The following KCNT2 variants were observed in gnomAD, a reference collection of about 807,000 sequenced individuals.
KCNT2 encodes the protein potassium sodium-activated channel subfamily T member 2.
In KCNT2, 67 loss-of-function variants were observed where a neutral mutation model predicts 153.8. The observed-to-expected ratio is 0.44, with a 90% CI of 0.36 to 0.53. The LOEUF (loss-of-function observed/expected upper bound fraction) is 0.53. Among genes scored for constraint, KCNT2 ranks in the 20% least tolerant of loss-of-function variants. KCNT2 has a pLI of 0.00. For missense variants in KCNT2, 975 were observed against 1,354.8 expected, an observed-to-expected ratio of 0.72 and a Z score of 4.40; for synonymous variants, 500 against 458.8, an observed-to-expected ratio of 1.09 and a Z score of -1.15.
At chr1:196,527,477 T>C (rs1654388004) in intron 1 of KCNT2, among the ~76,000 whole-genome samples, 1 of 152,060 alleles carries the variant, frequency 6.6e-6, no homozygotes, top group African/African-American at 2.4e-5. Flanking sequence ...CAAAACAGGG[T>C]AACGTAAAAT....
intron 13 of KCNT2, among the ~76,000 whole-genome samples, chr1:196,389,097 A>T (rs1322200674): frequency 6.6e-6 from 1 of 151,780 alleles, no homozygotes; most frequent in East Asian, 1.9e-4. Flanking sequence ...TGATATGATC[A>T]TATACTTATT....
Position 196,384,873 on chromosome 1 carries a change from G to A in KCNT2, c.1295-11625C>T, listed in dbSNP as rs150812262. ...CCACTGGTTATCTTTTAGAAGTCTC[G>A]CATAACAACCTAATCTTCATTCCCT... is the stretch of plus-strand genomic sequence containing the variant. On this transcript the variant is annotated intron_variant, in intron 13 of 27. Coordinates refer to ENST00000294725, the MANE Select transcript of KCNT2 (RefSeq NM_198503.5). 8.6e-3 allele frequency among the ~76,000 whole-genome samples: 1,312 copies of A among 151,868 alleles called. 17 individuals carry two copies. The highest frequency in any genetic ancestry group is 0.03 in the African/African-American group (1,253 of 41,400).
At chr1:196,540,145 TTAG>T (rs1422619648) in intron 1 of KCNT2, among the ~76,000 whole-genome samples, 1 of 152,154 alleles carries the variant, frequency 6.6e-6, no homozygotes, top group African/African-American at 2.4e-5. Context: ...AGGATCACTC[TTAG>T]TAGTTTTTAA....
At chr1:196,352,697 C>G (rs1237987720) in intron 14 of KCNT2, among the ~76,000 whole-genome samples, 4 of 152,094 alleles carry the variant, frequency 2.6e-5, no homozygotes, top group Non-Finnish European at 5.9e-5. Context: ...TTTTGTGCCT[C>G]TATTTCTGTC....
intron 5 of KCNT2, among the ~76,000 whole-genome samples, chr1:196,477,818 C>T (rs748670478): frequency 9.2e-5 from 14 of 152,182 alleles, no homozygotes; most frequent in Non-Finnish European, 1.3e-4. Flanking sequence ...CAACATAAGC[C>T]TTAGTTTCCA....
chr1:196,582,670 C>T (rs907384774), intron 1 of KCNT2, among the ~76,000 whole-genome samples: 1 of 152,024 alleles, frequency 6.6e-6, no homozygotes, highest in African/African-American at 2.4e-5. Flanking sequence ...GCATTGACAG[C>T]ATTGACTAGG....
At chr1:196,526,661 C>T (rs1310480890) in intron 1 of KCNT2, among the ~76,000 whole-genome samples, 1 of 152,044 alleles carries the variant, frequency 6.6e-6, no homozygotes, top group African/African-American at 2.4e-5. Flanking sequence ...CCATGTTGGC[C>T]AGGATGGTCT....
intron 5 of KCNT2, among the ~76,000 whole-genome samples, 167 bp downstream of exon 5, chr1:196,479,012 C>T (rs1224006259): frequency 6.6e-6 from 1 of 152,122 alleles, no homozygotes; most frequent in Non-Finnish European, 1.5e-5. Flanking sequence ...TCAAGGAAAA[C>T]ATTACCGTAT....
chr1:196,472,859 A>C (rs923352029), intron 5 of KCNT2, among the ~76,000 whole-genome samples: 1 of 152,084 alleles, frequency 6.6e-6, no homozygotes, highest in African/African-American at 2.4e-5. Flanking sequence ...CCATCCCATC[A>C]TTCTTGCCCC....
intron 24 of KCNT2, 110 bp downstream of exon 24, chr1:196,282,163 C>A: frequency 1.9e-6 from 1 of 519,448 alleles, no homozygotes; most frequent in Non-Finnish European, 3.5e-6. Flanking sequence ...CATCTGGATT[C>A]ACAATACAAA....
At chr1:196,428,070 G>C in intron 10 of KCNT2, 35 bp downstream of exon 10, 2 of 1,539,680 alleles carry the variant, frequency 1.3e-6, no homozygotes, top group Non-Finnish European at 9.0e-7. Flanking sequence ...TAGTAGGTAT[G>C]ATCCAGTATA....
chr1:196,295,442 A>T (rs925259751), intron 22 of KCNT2, among the ~76,000 whole-genome samples: 2 of 151,878 alleles, frequency 1.3e-5, no homozygotes, highest in African/African-American at 4.8e-5. Flanking sequence ...GGCAAAGTCA[A>T]CATTAATATT....
intron 25 of KCNT2, among the ~76,000 whole-genome samples, chr1:196,271,733 G>A (rs960242818): frequency 6.6e-6 from 1 of 151,992 alleles, no homozygotes; most frequent in Non-Finnish European, 1.5e-5. Context: ...ATGTCTGCGA[G>A]TGTGTGTTTG....
intron 1 of KCNT2, among the ~76,000 whole-genome samples, chr1:196,595,630 G>A (rs561405861): frequency 3.1e-4 from 47 of 152,180 alleles, no homozygotes; most frequent in Non-Finnish European, 5.1e-4. Context: ...TAAATGCTAC[G>A]TAAATAATTG....
chr1:196,314,169 T>A (rs1032077588), intron 21 of KCNT2, among the ~76,000 whole-genome samples: 1 of 151,630 alleles, frequency 6.6e-6, no homozygotes, highest in Non-Finnish European at 1.5e-5. Flanking sequence ...GAATATATAA[T>A]AAAAGTTAAA....
chr1:196,390,229 A>G (rs947807504), intron 13 of KCNT2, among the ~76,000 whole-genome samples: 1 of 151,482 alleles, frequency 6.6e-6, no homozygotes, highest in Non-Finnish European at 1.5e-5. Context: ...TAAATCGTAT[A>G]TTCTGTATAG....
At chr1:196,315,258 T>C (rs1467275824) in intron 21 of KCNT2, among the ~76,000 whole-genome samples, 1 of 151,672 alleles carries the variant, frequency 6.6e-6, no homozygotes, top group Admixed American at 6.6e-5. Context: ...TTAGGGAGAA[T>C]TGTTCCAAGT....
At chr1:196,497,608 C>G (rs1230892006) in intron 1 of KCNT2, among the ~76,000 whole-genome samples, 1 of 151,950 alleles carries the variant, frequency 6.6e-6, no homozygotes, top group Non-Finnish European at 1.5e-5. Flanking sequence ...TACTGAGGAA[C>G]AATTGTATTT....
intron 7 of KCNT2, 50 bp from the exon 8 acceptor site, chr1:196,465,437 G>A (rs1677524005): frequency 1.0e-6 from 1 of 987,652 alleles, no homozygotes; most frequent in African/African-American, 1.6e-5. Context: ...TACTAAATAT[G>A]CATGAGTTTC....
Sources: gnomAD v4.1 joint callset for allele counts (sites outside exome capture counted in the v4.1 genomes callset) on GRCh38, gnomAD v4.1.1 for gene constraint, MANE v1.5 for transcripts, NCBI Gene and HGNC (gene_info 2026-07-23, HGNC 2026-07-21) for gene names.